ANKRD11: variants seen among roughly 807,000 people sequenced by gnomAD.
The protein encoded by ANKRD11 is ankyrin repeat domain 11, also known as ankyrin repeat domain-containing protein 11.
In ANKRD11, 17 loss-of-function variants were observed where a neutral mutation model predicts 195.7. The observed-to-expected ratio is 0.09, with a 90% confidence interval of 0.06 to 0.13. ANKRD11 has a LOEUF of 0.13. Ranked by LOEUF, ANKRD11 falls within the 10% of genes least tolerant of loss-of-function variation. ANKRD11 has a pLI of 1.00. For synonymous variants in ANKRD11, 1,953 were observed against 1,528.1 expected, an observed-to-expected ratio of 1.28 and a Z score of -6.49; for missense variants, 3,735 against 3,566.1, an observed-to-expected ratio of 1.05 and a Z score of -1.21.
At chr16:89,310,003 C>G (rs1318773799) in intron 3 of ANKRD11, among the ~76,000 whole-genome samples, 6 of 152,206 alleles carry the variant, frequency 3.9e-5, no homozygotes, top group Admixed American at 3.9e-4. Context: ...ATCACGACTT[C>G]CACTCATGGG....
intron 1 of ANKRD11, chr16:89,422,067 ACT>A (rs1174179971): frequency 6.6e-6 from 1 of 152,142 alleles, no homozygotes; most frequent in Non-Finnish European, 1.5e-5. Flanking sequence ...TGGACTCCTT[ACT>A]CTCATCAACC....
At chr16:89,405,570 G>A (rs2041872517) in intron 2 of ANKRD11, among the ~76,000 whole-genome samples, 1 of 150,048 alleles carries the variant, frequency 6.7e-6, no homozygotes, top group East Asian at 2.0e-4. Flanking sequence ...CTGGGTTGCA[G>A]CAATCCTCCC....
chr16:89,437,664 C>G (rs984516286), intron 1 of ANKRD11, among the ~76,000 whole-genome samples: 30 of 152,222 alleles, frequency 2.0e-4, no homozygotes, highest in African/African-American at 6.5e-4. Flanking sequence ...CGCTGTCCCT[C>G]AGACCAGCTC....
intron 2 of ANKRD11, among the ~76,000 whole-genome samples, chr16:89,350,075 A>G (rs906607411): frequency 7.9e-5 from 12 of 152,138 alleles, no homozygotes; most frequent in African/African-American, 2.9e-4. Flanking sequence ...CCTTCCCCCC[A>G]CCAAAAAAGC....
intron 2 of ANKRD11, among the ~76,000 whole-genome samples, chr16:89,333,260 G>A (rs1323653360): frequency 6.6e-6 from 1 of 152,178 alleles, no homozygotes; most frequent in Non-Finnish European, 1.5e-5. Context: ...AGCAGCTTTA[G>A]GTTCACAGCA....
At chr16:89,342,235 G>T (rs1023097313) in intron 2 of ANKRD11, among the ~76,000 whole-genome samples, 3 of 152,276 alleles carry the variant, frequency 2.0e-5, no homozygotes, top group African/African-American at 7.2e-5. Flanking sequence ...GAGGTCAACT[G>T]CCTGGGCAAA....
At chr16:89,275,657 C>T (rs898824738) in intron 9 of ANKRD11, among the ~76,000 whole-genome samples, 2 of 152,142 alleles carry the variant, frequency 1.3e-5, no homozygotes, top group South Asian at 2.1e-4. Context: ...ACAACCGAGC[C>T]GGTGGTCTTG....
At chr16:89,485,831 C>T (rs2057593943) in intron 1 of ANKRD11, among the ~76,000 whole-genome samples, 1 of 152,190 alleles carries the variant, frequency 6.6e-6, no homozygotes, top group Admixed American at 6.5e-5. Context: ...TGCTCAGCTA[C>T]ATGTGACCAG....
chr16:89,432,944 ATCTCTCTCTCTC>A (rs56770747), intron 1 of ANKRD11, among the ~76,000 whole-genome samples: 2,304 of 108,740 alleles, frequency 0.021, 29 homozygotes, highest in Middle Eastern at 0.039. Context: ...CAGAGACCCT[ATCTCTCTCTCTC>A]TCTCTCTCTC....
chr16:89,445,956 C>T lies in ANKRD11; in HGVS notation c.-144-27588G>A, dbSNP rs557513237. 5.7e-5 allele frequency among the ~76,000 whole-genome samples: 8 copies of T among 141,532 alleles called. No homozygotes were observed. In the South Asian group the frequency reaches 6.5e-4, roughly 12 times the overall value. The allele number at this position is 141,532 out of a possible 152,430, so 92.9% of individuals were successfully genotyped here. A position where few individuals can be genotyped will look rare whatever the true frequency, so the allele number is the denominator to read the frequency against. On this transcript the variant is annotated intron_variant, in intron 1 of 12. Coordinates refer to ENST00000301030, the MANE Select transcript of ANKRD11 (RefSeq NM_013275.6). ...TGCACTCTGGCCTGGGCAACAAGAG[C>T]GAAACTCCGTCTCAAAAACAAAAAC...
At chr16:89,402,262 G>A (rs1027462055) in intron 2 of ANKRD11, among the ~76,000 whole-genome samples, 5 of 152,152 alleles carry the variant, frequency 3.3e-5, no homozygotes, top group Admixed American at 2.6e-4. Context: ...TACACGTGAC[G>A]TACGCCAGTT....
At chr16:89,384,562 G>T (rs982666354) in intron 2 of ANKRD11, among the ~76,000 whole-genome samples, 1 of 152,032 alleles carries the variant, frequency 6.6e-6, no homozygotes, top group African/African-American at 2.4e-5. Flanking sequence ...GATGGGAATG[G>T]GACAGGATGG....
intron 7 of ANKRD11, chr16:89,288,018 G>C (rs917751454): frequency 3.9e-6 from 2 of 508,790 alleles, no homozygotes; most frequent in East Asian, 3.0e-5. Context: ...GGCACACCAC[G>C]ACCTCTCTCG....
chr16:89,355,812 G>A (rs1416760361), intron 2 of ANKRD11, among the ~76,000 whole-genome samples: 1 of 152,160 alleles, frequency 6.6e-6, no homozygotes, highest in African/African-American at 2.4e-5. Context: ...GGCGGTTCAC[G>A]GCAAGGGTCT....
intron 3 of ANKRD11, among the ~76,000 whole-genome samples, chr16:89,316,439 A>AC: frequency 6.6e-6 from 1 of 151,728 alleles, no homozygotes; most frequent in Non-Finnish European, 1.5e-5. Context: ...AAACTGCATC[A>AC]CCCCCCACAC....
chr16:89,440,533 T>A (rs1163820851), intron 1 of ANKRD11, among the ~76,000 whole-genome samples: 3 of 152,100 alleles, frequency 2.0e-5, no homozygotes, highest in Non-Finnish European at 2.9e-5. Flanking sequence ...GGAGAATTGC[T>A]TGAGACCAGG....
chr16:89,391,734 G>A, intron 2 of ANKRD11, among the ~76,000 whole-genome samples: 1 of 152,194 alleles, frequency 6.6e-6, no homozygotes, highest in Non-Finnish European at 1.5e-5. Context: ...CTTGTAAGAA[G>A]TAAAGCAGAG....
intron 2 of ANKRD11, among the ~76,000 whole-genome samples, chr16:89,337,557 C>A (rs1219526004): frequency 1.1e-4 from 16 of 150,170 alleles, no homozygotes. Flanking sequence ...CTGCCTCAAC[C>A]TCCCGAGTAG....
intron 1 of ANKRD11, among the ~76,000 whole-genome samples, chr16:89,455,244 G>C (rs569417039): frequency 6.8e-6 from 1 of 147,060 alleles, no homozygotes; most frequent in South Asian, 2.2e-4. Flanking sequence ...TCCCCTGGGT[G>C]CTGTTAGGCT....
Sources: gnomAD v4.1 joint callset for allele counts (sites outside exome capture counted in the v4.1 genomes callset) on GRCh38, gnomAD v4.1.1 for gene constraint, MANE v1.5 for transcripts, NCBI Gene and HGNC (gene_info 2026-07-23, HGNC 2026-07-21) for gene names.